The following TMEM120B variants were observed in gnomAD, a reference collection of about 807,000 sequenced individuals.
The protein encoded by TMEM120B is transmembrane protein 120B.
TMEM120B carries 31 observed loss-of-function variants against 55.5 expected under a neutral mutation model. The ratio of observed to expected loss-of-function variants is 0.56; its 90% CI spans 0.42 to 0.75. The LOEUF (loss-of-function observed/expected upper bound fraction) is 0.75. Ranked by LOEUF, TMEM120B falls within the 30% of genes least tolerant of loss-of-function variation. The pLI, the probability that TMEM120B is intolerant of heterozygous loss-of-function variation, is 0.00. For missense variants in TMEM120B, 399 were observed against 425.5 expected, an observed-to-expected ratio of 0.94 and a Z score of 0.55; for synonymous variants, 203 against 176.3, an observed-to-expected ratio of 1.15 and a Z score of -1.20.
At chr12:121,730,941 A>G (rs983844982) in intron 1 of TMEM120B, among the ~76,000 whole-genome samples, 1 of 152,002 alleles carries the variant, frequency 6.6e-6, no homozygotes, top group African/African-American at 2.4e-5. Context: ...CTGGGTAACA[A>G]GAGCGAAACT....
intron 1 of TMEM120B, among the ~76,000 whole-genome samples, chr12:121,722,910 G>A (rs756026525): frequency 6.7e-5 from 10 of 148,782 alleles, no homozygotes; most frequent in South Asian, 4.3e-4. Flanking sequence ...GTGCAATGGC[G>A]CGATCTTGGC....
intron 6 of TMEM120B, among the ~76,000 whole-genome samples, chr12:121,765,159 G>T: frequency 7.4e-6 from 1 of 135,646 alleles, no homozygotes; most frequent in Middle Eastern, 4.4e-3. Flanking sequence ...AGACAGAGTC[G>T]TGCTCTGTCA....
intron 1 of TMEM120B, among the ~76,000 whole-genome samples, chr12:121,742,862 A>C (rs934368052): frequency 3.9e-5 from 6 of 152,330 alleles, no homozygotes; most frequent in Non-Finnish European, 7.3e-5. Flanking sequence ...GGCGTGAGCC[A>C]GCGCGTCCGG....
intron 6 of TMEM120B, among the ~76,000 whole-genome samples, chr12:121,765,026 G>A (rs1349429301): frequency 6.6e-6 from 1 of 152,004 alleles, no homozygotes; most frequent in Non-Finnish European, 1.5e-5. Context: ...CATTTATTGA[G>A]TGTCTCCTAA....
In TMEM120B at chr12:121,780,584, G is replaced by C; in HGVS notation, c.*4862G>C. On this transcript the variant is annotated 3_prime_UTR_variant, in exon 12 of 12. Transcript: ENST00000449592. ...GGACCAGATCCTGGCTCCACTTCTC[G>C]CTAGCTGTGTGGCCCTGGGCAAGCT... 1 of 517,338 alleles carries C rather than the reference G, an allele frequency of 1.9e-6. No individual in the cohort carries two copies. The highest frequency in any genetic ancestry group is 3.4e-6 in the Non-Finnish European group (1 of 294,278). 32.0% of individuals were successfully genotyped at this position (517,338 alleles called of 1,614,324 possible).
Position 121,761,658 on chromosome 12 carries a change from CG to C in TMEM120B, c.472del (p.Glu158LysfsTer14), listed in dbSNP as rs1566522009. ...RFVLHYRVTDEVFNFLLVWYY... is the reference protein window; with the variant it reads ...RFVLHYRVTDXVFNFLLVWYY... The stretch of plus-strand genomic sequence containing the variant: ...CTGTTTCCTTGCACAGGGTGACTGA[CG>C]AAGTCTTCAACTTCCTGCTGGTGTG... On this transcript the variant is annotated frameshift_variant, in exon 6 of 12. Transcript: ENST00000449592. LOFTEE classifies it high-confidence loss of function. 6.2e-7 allele frequency: 1 copy of C among 1,613,730 alleles called. No homozygotes were observed. The highest frequency in any genetic ancestry group is 8.5e-7 in the Non-Finnish European group (1 of 1,179,770).
rs757234369 is a variant in TMEM120B at position 121,780,899 on chromosome 12, G to A, written c.*5177G>A. On this transcript the variant is annotated 3_prime_UTR_variant, in exon 12 of 12. Coordinates refer to ENST00000449592, the MANE Select transcript of TMEM120B (RefSeq NM_001080825.2). The stretch of plus-strand genomic sequence containing the variant: ...GCATGTAGGTGATGGGCTCCAGCTG[G>A]GCGGCCCGGAGCTTCCGCAGCTGCT... 1.2e-6 allele frequency: 2 copies of A among 1,613,720 alleles called. No individual in the cohort carries two copies. Among genetic ancestry groups the A allele is most frequent in the Non-Finnish European group, 1.7e-6 (2 of 1,179,924 alleles).
rs1325236487 is a variant in TMEM120B at position 121,735,696 on chromosome 12, CT to C, written c.70-7921del. Among the ~76,000 whole-genome samples, 680 of 121,850 alleles carry C rather than the reference CT, an allele frequency of 5.6e-3. 2 individuals carry two copies. Among genetic ancestry groups the C allele is most frequent in the Middle Eastern group, 0.011 (2 of 174 alleles). 79.9% of individuals were successfully genotyped at this position (121,850 alleles called of 152,430 possible). On this transcript the variant is annotated intron_variant, in intron 1 of 11. Transcript: ENST00000449592. ...ACAGGCATGAGCCACCGTGCCCGGCCTTTTTTTTTTTTGAGACCAAGTCTCA... is the reference window on the plus strand; with the variant it reads ...ACAGGCATGAGCCACCGTGCCCGGCCTTTTTTTTTTTGAGACCAAGTCTCA...
At chr12:121,747,027 A>G (rs924014379) in intron 2 of TMEM120B, among the ~76,000 whole-genome samples, 1 of 152,196 alleles carries the variant, frequency 6.6e-6, no homozygotes, top group African/African-American at 2.4e-5. Context: ...CCTTGAGCTC[A>G]TACTATCAAG....
Position 121,763,181 on chromosome 12 carries a change from G to A in TMEM120B, c.551+1443G>A, listed in dbSNP as rs578243403. On this transcript the variant is annotated intron_variant, in intron 6 of 11. Transcript: ENST00000449592. ...CCTTTTTTTTTTTTTTTTTTTTTTTGAGACGAAGTCTTGCTCTGTCGCCCA... is the reference window on the plus strand; with the variant it reads ...CCTTTTTTTTTTTTTTTTTTTTTTTAAGACGAAGTCTTGCTCTGTCGCCCA... Among the ~76,000 whole-genome samples, 50 of 34,062 alleles carry A rather than the reference G, an allele frequency of 1.5e-3. 2 individuals are homozygous for A. In the East Asian group the frequency reaches 0.038, roughly 26 times the overall value. 22.3% of individuals were successfully genotyped at this position (34,062 alleles called of 152,430 possible).
intron 5 of TMEM120B, among the ~76,000 whole-genome samples, chr12:121,755,250 C>G (rs1873445226): frequency 6.6e-6 from 1 of 152,216 alleles, no homozygotes; most frequent in Admixed American, 6.5e-5. Context: ...TGGCCAGCAT[C>G]CTCTAGGGTT....
chr12:121,724,030 CTTTTTTTTTTT>C (rs56972824), intron 1 of TMEM120B, among the ~76,000 whole-genome samples: 3 of 75,962 alleles, frequency 3.9e-5, no homozygotes, highest in African/African-American at 1.1e-4. Context: ...TCAAGTGATC[CTTTTTTTTTTT>C]TTTTTTTTTT....
intron 5 of TMEM120B, among the ~76,000 whole-genome samples, chr12:121,759,912 C>T (rs1873614009): frequency 6.6e-6 from 1 of 151,992 alleles, no homozygotes; most frequent in African/African-American, 2.4e-5. Context: ...GCAGGTGGAT[C>T]ACGAGGTCAA....
chr12:121,771,541 T>A lies in TMEM120B; in HGVS notation c.671T>A (p.Ile224Asn). The stretch of plus-strand genomic sequence containing the variant: ...CGCAACCAGTTCTTAGCATTTTCCA[T>A]TTTTCAGAGTGAGTGACTGTTGCCT... Reference protein sequence around the residue: ...KFRNQFLAFSIFQSCVQFLQY... With the variant: ...KFRNQFLAFSNFQSCVQFLQY... The change falls in exon 8 of 12, where the codon ATT becomes AAT. Residue 224 changes from isoleucine (I) to asparagine (N), a missense_variant. Coordinates refer to ENST00000449592, the MANE Select transcript of TMEM120B (RefSeq NM_001080825.2). The A allele has an allele frequency of 1.2e-6, 2 of 1,613,940 alleles. No individual in the cohort carries two copies. Among genetic ancestry groups the A allele is most frequent in the Non-Finnish European group, 1.7e-6 (2 of 1,179,850 alleles).
Position 121,752,217 on chromosome 12 carries a change from A to G in TMEM120B, c.455A>G (p.His152Arg). The G allele has an allele frequency of 6.2e-7, 1 of 1,613,654 alleles. No individual in the cohort carries two copies. The highest frequency in any genetic ancestry group is 8.5e-7 in the Non-Finnish European group (1 of 1,179,838). The change falls in exon 5 of 12, where the codon CAC becomes CGC. Residue 152 changes from histidine to arginine, a missense_variant. His to Arg is a conservative substitution (Grantham distance 29, BLOSUM62 0). This residue lies in a region of TMEM120B where 260 missense variants were observed against 303.9 expected (regional missense o/e 0.86). Transcript: ENST00000449592. The stretch of plus-strand genomic sequence containing the variant: ...GCCGTGGCATGTCGATTTGTCCTTC[A>G]CTACAGGTAGTGGGTGTGGCCGTGT... Reference protein sequence around the residue: ...LGAVACRFVLHYRVTDEVFNF... With the variant: ...LGAVACRFVLRYRVTDEVFNF...
At chr12:121,772,517 C>T (rs1412516685) in intron 8 of TMEM120B, among the ~76,000 whole-genome samples, 1 of 150,838 alleles carries the variant, frequency 6.6e-6, no homozygotes, top group African/African-American at 2.4e-5. Flanking sequence ...CTCACTGCAA[C>T]CTCCACCTCC....
intron 7 of TMEM120B, 28 bp from the exon 8 acceptor site, chr12:121,771,460 C>T: frequency 6.2e-7 from 1 of 1,601,988 alleles, no homozygotes; most frequent in Non-Finnish European, 8.6e-7. Context: ...GTGGGCCCCA[C>T]CTTTGTTTTT....
chr12:121,761,491 C>T (rs753729959), intron 5 of TMEM120B, among the ~76,000 whole-genome samples, 158 bp from the exon 6 acceptor site: 4 of 152,084 alleles, frequency 2.6e-5, no homozygotes, highest in South Asian at 2.1e-4. Flanking sequence ...CTCAAGAGAC[C>T]AAGCTCCCCC....
At chr12:121,774,872 C>T in intron 10 of TMEM120B, 150 bp downstream of exon 10, 3 of 1,197,878 alleles carry the variant, frequency 2.5e-6, no homozygotes, top group Non-Finnish European at 3.6e-6. Context: ...CCAGGGATGC[C>T]AAGGCAGGAG....
Sources: allele counts gnomAD v4.1 joint callset (sites outside exome capture counted in the v4.1 genomes callset), GRCh38; gene constraint gnomAD v4.1.1; regional missense constraint gnomAD v4.1.1; transcripts MANE v1.5; gene names NCBI Gene and HGNC (gene_info 2026-07-23, HGNC 2026-07-21).